The following CHTOP variants were observed in gnomAD, a reference collection of about 807,000 sequenced individuals.
CHTOP encodes chromatin target of PRMT1, also known as chromatin target of PRMT1 protein.
A neutral mutation model predicts 33.6 loss-of-function variants in CHTOP; 18 were observed. That is an observed-to-expected ratio of 0.54 (90% CI 0.37 to 0.80). The LOEUF (loss-of-function observed/expected upper bound fraction) is 0.80. Ranked by LOEUF, CHTOP falls within the 30% of genes least tolerant of loss-of-function variation. The probability of loss-of-function intolerance (pLI) is 0.00; values close to 1 mark genes in which losing one functional copy is unlikely to be tolerated. For synonymous variants in CHTOP, 117 were observed against 127.7 expected, an observed-to-expected ratio of 0.92 and a Z score of 0.56; for missense variants, 263 against 336.8, an observed-to-expected ratio of 0.78 and a Z score of 1.71.
In CHTOP at chr1:153,645,099, GGAGGCCGAGGCC is replaced by G. The variant is rs576056136; in HGVS notation, c.585_596del (p.Arg201_Gly204del). Reference sequence around the variant, plus strand: ...GATAGGTCGGGGAAGAGGGGGCTTTGGAGGCCGAGGCCGAGGCCGTGGACGAGGGAGAGGTGC... The same window carrying G: ...GATAGGTCGGGGAAGAGGGGGCTTTGGAGGCCGTGGACGAGGGAGAGGTGC... On this transcript the variant is annotated inframe_deletion, in exon 6 of 6. Transcript: ENST00000368694. 1.9e-6 allele frequency: 3 copies of G among 1,613,268 alleles called. No homozygotes were observed. Among genetic ancestry groups the G allele is most frequent in the Non-Finnish European group, 1.7e-6 (2 of 1,179,938 alleles).
At position 153,643,254 on chromosome 1, in the gene CHTOP, C is replaced by G; in HGVS notation, c.431C>G (p.Ala144Gly). ...RGQNLLRGGRAVAPRMGLRRG... is the reference protein window; with the variant it reads ...RGQNLLRGGRGVAPRMGLRRG... ...CAAAACCTGCTCCGAGGTGGACGAG[C>G]CGTAGCTCCCCGAATGGGCTTAAGA... Residue 144 changes from alanine (A) to glycine (G), a missense_variant, in exon 5 of 6, where the codon GCC becomes GGC. Around this residue, in one of 3 missense-constraint regions of CHTOP, gnomAD observed 168 missense variants for 179.9 expected, o/e 0.93. Coordinates refer to ENST00000368694, the MANE Select transcript of CHTOP (RefSeq NM_015607.4). The G allele has an allele frequency of 6.2e-7, 1 of 1,614,128 alleles. No individual in the cohort carries two copies. The highest frequency in any genetic ancestry group is 2.2e-5 in the East Asian group (1 of 44,882).
intron 5 of CHTOP, 33 bp from the exon 6 acceptor site, chr1:153,645,030 GT>G (rs1668757420): frequency 6.7e-7 from 1 of 1,491,136 alleles, no homozygotes; most frequent in Non-Finnish European, 9.2e-7. Flanking sequence ...ACTTGTAACT[GT>G]CTCTTTTTTT....
At chr1:153,643,624 A>G (rs1668703714) in intron 5 of CHTOP, 1 of 317,898 alleles carries the variant, frequency 3.1e-6, no homozygotes, top group Non-Finnish European at 5.7e-6. Flanking sequence ...TTTAAATTGT[A>G]TAGTTGAAAA....
chr1:153,635,137 A>T (rs922258224), intron 1 of CHTOP, among the ~76,000 whole-genome samples: 1 of 152,056 alleles, frequency 6.6e-6, no homozygotes, highest in African/African-American at 2.4e-5. Flanking sequence ...GGCGTGAGCC[A>T]CCGCGCCCGG....
chr1:153,636,077 AT>A (rs1668383839), intron 1 of CHTOP, among the ~76,000 whole-genome samples: 1 of 141,356 alleles, frequency 7.1e-6, no homozygotes, highest in Non-Finnish European at 1.5e-5. Context: ...GCTGGCCACC[AT>A]GCACCGCTAA....
intron 3 of CHTOP, among the ~76,000 whole-genome samples, chr1:153,639,103 G>A (rs1334000101): frequency 2.0e-5 from 3 of 151,992 alleles, no homozygotes; most frequent in South Asian, 2.1e-4. Flanking sequence ...GGATGGTCTC[G>A]ATCTCCTGAC....
intron 5 of CHTOP, 105 bp downstream of exon 5, chr1:153,643,469 G>C (rs1668698735): frequency 8.5e-7 from 1 of 1,175,902 alleles, no homozygotes; most frequent in Non-Finnish European, 1.1e-6. Context: ...AGGCTTCTTT[G>C]TTTGTCTTGT....
intron 4 of CHTOP, chr1:153,642,886 C>T: frequency 2.9e-6 from 1 of 344,810 alleles, no homozygotes; most frequent in Non-Finnish European, 5.5e-6. Flanking sequence ...CTGTATAGTT[C>T]TTGTTCCCTA....
At chr1:153,635,358 C>A in intron 1 of CHTOP, among the ~76,000 whole-genome samples, 1 of 149,482 alleles carries the variant, frequency 6.7e-6, no homozygotes, top group African/African-American at 2.5e-5. Context: ...TACCATGTTG[C>A]CCAGGCTGGT....
At chr1:153,638,581 A>G in intron 3 of CHTOP, 133 bp downstream of exon 3, 1 of 1,002,476 alleles carries the variant, frequency 1.0e-6, no homozygotes, top group Admixed American at 2.2e-5. Flanking sequence ...TGGAAGAAAG[A>G]GAAGTTCAGA....
Position 153,645,612 on chromosome 1 carries a change from C to T in CHTOP, c.*343C>T. Reference sequence around the variant, plus strand: ...TCTGTCTCCCCTCACTTGTCATATGCTCTGACATGCTAACATTTCTTTTGT... The same window carrying T: ...TCTGTCTCCCCTCACTTGTCATATGTTCTGACATGCTAACATTTCTTTTGT... On this transcript the variant is annotated 3_prime_UTR_variant, in exon 6 of 6. Transcript: ENST00000368694. The T allele has an allele frequency of 3.6e-6, 1 of 274,842 alleles. No homozygotes were observed. Among genetic ancestry groups the T allele is most frequent in the Non-Finnish European group, 6.9e-6 (1 of 145,018 alleles). The allele number at this position is 274,842 out of a possible 1,614,324, so 17.0% of individuals were successfully genotyped here. A position where few individuals can be genotyped will look rare whatever the true frequency, so the allele number is the denominator to read the frequency against.
intron 3 of CHTOP, among the ~76,000 whole-genome samples, chr1:153,639,116 C>T (rs944634295): frequency 2.6e-5 from 4 of 152,056 alleles, no homozygotes; most frequent in Non-Finnish European, 5.9e-5. Context: ...CTCCTGACCT[C>T]GTGATCCACC....
At chr1:153,638,782 G>A (rs372477486) in intron 3 of CHTOP, among the ~76,000 whole-genome samples, 22 of 151,926 alleles carry the variant, frequency 1.4e-4, no homozygotes, top group African/African-American at 5.3e-4. Context: ...TAATCTCACA[G>A]CATCCTTTAC....
intron 3 of CHTOP, among the ~76,000 whole-genome samples, chr1:153,640,116 G>A (rs1452997118): frequency 2.0e-5 from 3 of 152,136 alleles, no homozygotes; most frequent in South Asian, 2.1e-4. Context: ...TTTGCTCTCC[G>A]GTACAGTAGC....
intron 3 of CHTOP, among the ~76,000 whole-genome samples, chr1:153,638,794 C>T (rs1167302743): frequency 6.6e-6 from 1 of 152,008 alleles, no homozygotes; most frequent in East Asian, 1.9e-4. Flanking sequence ...ATCCTTTACT[C>T]TCTGTTAAAT....
chr1:153,636,523 A>G (rs1668409492), intron 1 of CHTOP, 49 bp from the exon 2 acceptor site: 1 of 1,496,852 alleles, frequency 6.7e-7, no homozygotes, highest in Non-Finnish European at 9.3e-7. Context: ...CACTTATAGA[A>G]ATGATGTCAC....
At chr1:153,641,212 A>G (rs1322774039) in intron 3 of CHTOP, among the ~76,000 whole-genome samples, 1 of 152,232 alleles carries the variant, frequency 6.6e-6, no homozygotes, top group Non-Finnish European at 1.5e-5. Flanking sequence ...AAACACACAC[A>G]TACACGTTGG....
At chr1:153,645,036 T>C (rs1338708872) in intron 5 of CHTOP, 28 bp from the exon 6 acceptor site, 31 of 1,075,660 alleles carry the variant, frequency 2.9e-5, no homozygotes, top group East Asian at 1.9e-4. Context: ...AACTGTCTCT[T>C]TTTTTTTTTT....
At chr1:153,640,112 C>T (rs1376580843) in intron 3 of CHTOP, among the ~76,000 whole-genome samples, 1 of 152,168 alleles carries the variant, frequency 6.6e-6, no homozygotes, top group Non-Finnish European at 1.5e-5. Flanking sequence ...TGTATTTGCT[C>T]TCCGGTACAG....
Sources: gnomAD v4.1 joint callset for allele counts (sites outside exome capture counted in the v4.1 genomes callset) on GRCh38, gnomAD v4.1.1 for gene constraint, gnomAD v4.1.1 regional missense constraint, MANE v1.5 for transcripts, NCBI Gene and HGNC (gene_info 2026-07-23, HGNC 2026-07-21) for gene names.